The following XKR9 variants were observed in gnomAD, a reference collection of about 807,000 sequenced individuals.
XKR9 encodes the protein XK related 9.
In XKR9, 32 loss-of-function variants were observed where a neutral mutation model predicts 32.0. That is an observed-to-expected ratio of 1.00 (90% CI 0.76 to 1.34). XKR9 has a LOEUF of 1.34. XKR9 is among the 40% of genes most tolerant of loss of function. XKR9 has a pLI of 0.00. For synonymous variants in XKR9, 168 were observed against 143.4 expected, an observed-to-expected ratio of 1.17 and a Z score of -1.22; for missense variants, 546 against 429.7, an observed-to-expected ratio of 1.27 and a Z score of -2.39.
chr8:70,772,485 G>T (rs911312202), intron 2 of XKR9, among the ~76,000 whole-genome samples: 8 of 152,080 alleles, frequency 5.3e-5, no homozygotes, highest in Non-Finnish European at 8.8e-5. Context: ...AGATTTCTTG[G>T]CAATCCAATC....
the XKR9 span, among the ~76,000 whole-genome samples, chr8:70,803,376 G>T: frequency 6.6e-6 from 1 of 152,096 alleles, no homozygotes; most frequent in East Asian, 1.9e-4. Context: ...CTTGGATTGG[G>T]TTTCAACTTT....
Position 70,734,339 on chromosome 8 carries a change from A to G in XKR9, c.1037A>G (p.Asn346Ser). 1.2e-6 allele frequency: 2 copies of G among 1,612,222 alleles called. No homozygotes were observed. Among genetic ancestry groups the G allele is most frequent in the Non-Finnish European group, 1.7e-6 (2 of 1,179,566 alleles). Residue 346 changes from asparagine to serine, a missense_variant, in exon 5 of 5, where the codon AAC becomes AGC. By Grantham distance (46) the Asn-to-Ser change is conservative (BLOSUM62 1). Coordinates refer to ENST00000408926, the MANE Select transcript of XKR9 (RefSeq NM_001011720.2). ...LIVYYGSFHP[N>S]RSAETKCDEI... Reference sequence around the variant, plus strand: ...GTTTATTATGGGAGTTTTCACCCAAACAGAAGTGCAGAAACAAAATGTGAT... The same window carrying G: ...GTTTATTATGGGAGTTTTCACCCAAGCAGAAGTGCAGAAACAAAATGTGAT...
chr8:70,861,067 A>C, the XKR9 span, among the ~76,000 whole-genome samples: 2 of 152,178 alleles, frequency 1.3e-5, no homozygotes, highest in African/African-American at 4.8e-5. Flanking sequence ...AATGCTGAGA[A>C]AAATGGACAT....
At chr8:70,910,905 A>G in the XKR9 span, among the ~76,000 whole-genome samples, 199 of 152,358 alleles carry the variant, frequency 1.3e-3, no homozygotes, top group African/African-American at 4.3e-3. Flanking sequence ...CTCAGCTTCT[A>G]GAAGCTACAT....
downstream of XKR9, among the ~76,000 whole-genome samples, chr8:70,794,019 T>G (rs1807797475): frequency 2.0e-5 from 3 of 152,100 alleles, no homozygotes; most frequent in South Asian, 6.2e-4. Context: ...GCAGAGATAT[T>G]TAATTTCTTT....
chr8:70,784,016 A>G (rs1486935205), intron 2 of XKR9, among the ~76,000 whole-genome samples: 1 of 152,156 alleles, frequency 6.6e-6, no homozygotes, highest in Non-Finnish European at 1.5e-5. Flanking sequence ...GACCATATAT[A>G]CATGAGTTTA....
chr8:71,047,365 C>T, the XKR9 span, among the ~76,000 whole-genome samples: 2 of 152,146 alleles, frequency 1.3e-5, no homozygotes, highest in South Asian at 4.2e-4. Flanking sequence ...TAGTGTAGTG[C>T]AAGACAGAGT....
At chr8:70,859,017 A>C in the XKR9 span, among the ~76,000 whole-genome samples, 1 of 152,146 alleles carries the variant, frequency 6.6e-6, no homozygotes, top group Admixed American at 6.6e-5. Flanking sequence ...GATGACATCA[A>C]GCTAAGAAGT....
At chr8:70,688,655 A>G (rs938670047) in intron 3 of XKR9, among the ~76,000 whole-genome samples, 1 of 150,854 alleles carries the variant, frequency 6.6e-6, no homozygotes, top group Non-Finnish European at 1.5e-5. Flanking sequence ...TGACCTCGTG[A>G]GCCGCCCGCC....
the XKR9 span, among the ~76,000 whole-genome samples, chr8:70,912,157 G>A: frequency 6.6e-6 from 1 of 152,136 alleles, no homozygotes; most frequent in Admixed American, 6.6e-5. Context: ...GAGAATGATG[G>A]GAGGTGAGGC....
At chr8:70,775,654 A>T (rs1807508215) in intron 2 of XKR9, among the ~76,000 whole-genome samples, 1 of 152,132 alleles carries the variant, frequency 6.6e-6, no homozygotes, top group Admixed American at 6.6e-5. Context: ...ACACTTGGAC[A>T]TGATGTATTA....
intron 2 of XKR9, among the ~76,000 whole-genome samples, chr8:70,776,369 CT>C (rs1343535509): frequency 2.0e-5 from 3 of 151,944 alleles, no homozygotes; most frequent in Non-Finnish European, 4.4e-5. Flanking sequence ...ATAATAGTAC[CT>C]TTTTTTAAGT....
chr8:70,957,253 G>A, the XKR9 span, among the ~76,000 whole-genome samples: 2 of 152,138 alleles, frequency 1.3e-5, no homozygotes, highest in Non-Finnish European at 2.9e-5. Context: ...ATAGAGGTGA[G>A]TGATAGCCAA....
chr8:70,918,885 C>T, the XKR9 span, among the ~76,000 whole-genome samples: 9 of 140,086 alleles, frequency 6.4e-5, no homozygotes, highest in Admixed American at 2.3e-4. Context: ...TCATGCCATT[C>T]TCTTGCCTCA....
chr8:70,808,417 T>C, the XKR9 span, among the ~76,000 whole-genome samples: 1 of 152,066 alleles, frequency 6.6e-6, no homozygotes, highest in Non-Finnish European at 1.5e-5. Flanking sequence ...AGGTACTGGG[T>C]TCATCTCACT....
At chr8:70,707,284 G>A in intron 4 of XKR9, 131 bp downstream of exon 4, 6 of 651,512 alleles carry the variant, frequency 9.2e-6, no homozygotes, top group Non-Finnish European at 1.5e-5. Flanking sequence ...AGGAAGTACA[G>A]TAACATGGTT....
intron 4 of XKR9, among the ~76,000 whole-genome samples, chr8:70,719,248 G>A (rs1349657360): frequency 6.6e-6 from 1 of 152,056 alleles, no homozygotes; most frequent in Non-Finnish European, 1.5e-5. Context: ...CTCTCATTCT[G>A]TAGGTTGCCT....
the XKR9 span, among the ~76,000 whole-genome samples, chr8:70,816,210 T>C: frequency 6.6e-6 from 1 of 152,136 alleles, no homozygotes; most frequent in South Asian, 2.1e-4. Context: ...ACCCAACTAA[T>C]CTTTGACGAA....
At chr8:70,994,788 T>C in the XKR9 span, among the ~76,000 whole-genome samples, 14 of 151,988 alleles carry the variant, frequency 9.2e-5, no homozygotes, top group Admixed American at 7.2e-4. Context: ...ATTTTGTTTT[T>C]CATTCTGTTT....
Sources: allele counts gnomAD v4.1 joint callset (sites outside exome capture counted in the v4.1 genomes callset), GRCh38; gene constraint gnomAD v4.1.1; transcripts MANE v1.5; gene names NCBI Gene and HGNC (gene_info 2026-07-23, HGNC 2026-07-21).